Variants in COL6A3 observed in about 807,000 individuals in gnomAD.
COL6A3 encodes collagen alpha-3(VI) chain.
A neutral mutation model predicts 274.1 loss-of-function variants in COL6A3; 137 were observed. The observed-to-expected ratio is 0.50, with a 90% CI of 0.44 to 0.58. The LOEUF (loss-of-function observed/expected upper bound fraction) is 0.58. COL6A3 is among the 20% of genes least tolerant of loss of function. COL6A3 has a pLI of 0.00. For synonymous variants in COL6A3, 1,650 were observed against 1,650.6 expected (o/e 1.00, Z 0.01); for missense variants, 3,950 against 4,124.9 (o/e 0.96, Z 1.16).
rs1372723004 is a variant in COL6A3, at chr2:237,379,066, C to T, written c.2067G>A (p.Thr689=). ...GLVQFSDTPV[T]EFSLNTYQTK... is the part of the protein sequence containing the mutation. ...TCTGGTATGTGTTTAAAGAGAACTC[C>T]GTTACAGGAGTGTCACTAAATTGCA... is the stretch of plus-strand genomic sequence containing the variant. Residue 689 remains threonine, a synonymous_variant, in exon 6 of 44, where the codon ACG becomes ACA. Coordinates refer to ENST00000295550, the MANE Select transcript of COL6A3 (RefSeq NM_004369.4). 3.1e-6 allele frequency: 5 copies of T among 1,614,152 alleles called. No homozygotes were observed. The highest frequency in any genetic ancestry group is 1.7e-4 in the Middle Eastern group (1 of 6,056).
chr2:237,344,875 C>T lies in COL6A3; in HGVS notation c.7175-32G>A, dbSNP rs6725567. ...AAAGTAGAGGGTGGAGGGTTAAAGA[C>T]AAACTGTACTTACTACAAAAGGGAG... On this transcript the variant is annotated intron_variant, in intron 35 of 43. Transcript: ENST00000295550. This position sits in a 1 kb window ranked among gnomAD's most constrained non-coding sequence, Gnocchi z 4.8. The T allele has an allele frequency of 0.028, 44,642 of 1,613,880 alleles. 1,843 individuals are homozygous for T. Among genetic ancestry groups the T allele is most frequent in the African/African-American group, 0.19 (14,515 of 75,002 alleles).
At chr2:237,338,898 G>T in intron 39 of COL6A3, 117 bp downstream of exon 39, 1 of 761,666 alleles carries the variant, frequency 1.3e-6, no homozygotes, top group Non-Finnish European at 2.3e-6. Context: ...ATTACCTTTG[G>T]GAAGTCACAT....
Position 237,359,026 on chromosome 2 carries a change from T to A in COL6A3, c.6408+9A>T. 1 of 1,613,258 alleles carries A rather than the reference T, an allele frequency of 6.2e-7. No homozygotes were observed. The highest frequency in any genetic ancestry group is 1.3e-5 in the African/African-American group (1 of 75,004). On this transcript the variant is annotated intron_variant, in intron 20 of 43. Transcript: ENST00000295550. Reference sequence around the variant, plus strand: ...TTCCATAATAGCACCACCGTGGAAATACACCTACCCTTCTTCCAGGATTCC... The same window carrying A: ...TTCCATAATAGCACCACCGTGGAAAAACACCTACCCTTCTTCCAGGATTCC...
In COL6A3 at chr2:237,359,397, C is replaced by T. The variant is rs373925366; in HGVS notation, c.6283-9G>A. ...GGGAATCCCCGAGAGCCCTAGAAGG[C>T]AAGGCGATAGGGGAAGCATTAGCTT... On this transcript the variant is annotated splice_polypyrimidine_tract_variant and intron_variant, in intron 17 of 43. Transcript: ENST00000295550. 1.2e-6 allele frequency: 2 copies of T among 1,613,614 alleles called. No homozygotes were observed. Among genetic ancestry groups the T allele is most frequent in the Admixed American group, 1.7e-5 (1 of 59,994 alleles).
intron 42 of COL6A3, among the ~76,000 whole-genome samples, chr2:237,330,877 T>C (rs370144763): frequency 3.3e-5 from 5 of 152,324 alleles, no homozygotes; most frequent in Middle Eastern, 3.4e-3. Flanking sequence ...CATTTCAGAG[T>C]GTTTCTACCT....
chr2:237,352,499 G>T (rs749558408), intron 26 of COL6A3, 23 bp downstream of exon 26: 1 of 1,605,668 alleles, frequency 6.2e-7, no homozygotes, highest in East Asian at 2.2e-5. Flanking sequence ...CTAGAGAGGG[G>T]GCTGGTATTA....
Position 237,367,038 on chromosome 2 carries a change from C to G in COL6A3, c.5149G>C (p.Ala1717Pro), listed in dbSNP as rs376135795. 1 of 1,614,208 alleles carries G rather than the reference C, an allele frequency of 6.2e-7. No homozygotes were observed. Among genetic ancestry groups the G allele is most frequent in the African/African-American group, 1.3e-5 (1 of 75,060 alleles). The change falls in exon 11 of 44, where the codon GCC (alanine) becomes CCC (proline). Residue 1717 changes from alanine to proline, a missense_variant. Ala to Pro is a conservative substitution (Grantham distance 27). Around this residue, in one of 5 missense-constraint regions of COL6A3, gnomAD observed 632 missense variants for 623.4 expected, o/e 1.01. Transcript: ENST00000295550. ...TGCTCAAGGCCCACCTTAGTGTTGG[C>G]GTGTCTTCCCCCTTTGTAGACCACT... Reference protein sequence around the residue: ...NKVVYKGGRHANTKVGLEHLR... With the variant: ...NKVVYKGGRHPNTKVGLEHLR...
intron 37 of COL6A3, 128 bp downstream of exon 37, chr2:237,341,937 T>C (rs1430374712): frequency 1.2e-6 from 1 of 803,008 alleles, no homozygotes; most frequent in African/African-American, 1.7e-5. Context: ...CTCTGGTAAA[T>C]ACGAGGCTTT....
rs1438142789 is a variant in COL6A3 at position 237,341,273 on chromosome 2, C to T, written c.7766-123G>A. Reference sequence around the variant, plus strand: ...CATAAGATCAAAAGCGGGCCGGAAGCGGTGGCTCACGCCTGTAATCCCAGC... The same window carrying T: ...CATAAGATCAAAAGCGGGCCGGAAGTGGTGGCTCACGCCTGTAATCCCAGC... On this transcript the variant is annotated intron_variant, in intron 37 of 43. Transcript: ENST00000295550. The T allele has an allele frequency of 1.9e-5, 18 of 949,758 alleles. No individual in the cohort carries two copies. In the East Asian group the frequency reaches 3.6e-4, roughly 19 times the overall value. The allele number at this position is 949,758 out of a possible 1,614,324, so 58.8% of individuals were successfully genotyped here.
chr2:237,340,691 A>G lies in COL6A3; in HGVS notation c.8225T>C (p.Met2742Thr). 1 of 1,614,218 alleles carries G rather than the reference A, an allele frequency of 6.2e-7. No individual in the cohort carries two copies. The highest frequency in any genetic ancestry group is 1.3e-5 in the African/African-American group (1 of 75,056). ...CTGCTCCGGCACCTCGCCCGTCAGC[A>G]TCAGGACCACAATTTTCAGGTCCCG... ...NPRDLKIVVL[M>T]LTGEVPEQQL... Residue 2742 changes from methionine to threonine, a missense_variant, in exon 38 of 44, where the codon ATG (methionine) becomes ACG (threonine). By Grantham distance (81) the Met-to-Thr change is moderately conservative. Around this residue, in one of 5 missense-constraint regions of COL6A3, gnomAD observed 1,284 missense variants for 1,349.7 expected, o/e 0.95. Coordinates refer to ENST00000295550, the MANE Select transcript of COL6A3 (RefSeq NM_004369.4).
At chr2:237,329,281 C>G (rs1380318191) in intron 42 of COL6A3, 1 of 152,234 alleles carries the variant, frequency 6.6e-6, no homozygotes. Context: ...TCTCGAACTC[C>G]TGACCTCAAG....
chr2:237,360,301 C>A, intron 16 of COL6A3, 142 bp from the exon 17 acceptor site: 2 of 840,688 alleles, frequency 2.4e-6, no homozygotes, highest in Non-Finnish European at 3.9e-6. Context: ...ATCGAGGCTA[C>A]GTGAGCCAGG....
At position 237,325,621 on chromosome 2, in the gene COL6A3, A is replaced by G; in HGVS notation, c.9432T>C (p.Gly3144=). 6.2e-7 allele frequency: 1 copy of G among 1,614,038 alleles called. No individual in the cohort carries two copies. Among genetic ancestry groups the G allele is most frequent in the Non-Finnish European group, 8.5e-7 (1 of 1,179,998 alleles). The change falls in exon 43 of 44, where the codon GGT becomes GGC. Residue 3144 remains glycine, a synonymous_variant. Transcript: ENST00000295550. ...TKSCARFWYG[G]CGGNENKFGS... ...CAAATTTGTTTTCGTTTCCACCACA[A>G]CCTCCATACCAGAATCTTGCACAGC...
At chr2:237,373,084 G>A (rs1245592480) in intron 8 of COL6A3, among the ~76,000 whole-genome samples, 1 of 152,170 alleles carries the variant, frequency 6.6e-6, no homozygotes, top group Non-Finnish European at 1.5e-5. Flanking sequence ...TGAGAGTCAG[G>A]TGGGTCAGGA....
In COL6A3 at chr2:237,387,666, C is replaced by G; in HGVS notation, c.1228G>C (p.Asp410His). The change falls in exon 4 of 44, where the codon GAC (aspartate) becomes CAC (histidine). Residue 410 changes from aspartate (D) to histidine (H), a missense_variant. This residue lies in a region of COL6A3 where 1,934 missense variants were observed against 1,984.3 expected (regional missense o/e 0.97). Transcript: ENST00000295550. ...FTVPEFRSFG[D>H]LQEKLLPYIV... is the part of the protein sequence containing the mutation. Reference sequence around the variant, plus strand: ...TACGGCAGTAATTTCTCCTGGAGGTCCCCAAAGCTACGGAATTCCGGGACA... The same window carrying G: ...TACGGCAGTAATTTCTCCTGGAGGTGCCCAAAGCTACGGAATTCCGGGACA... 1 of 1,613,792 alleles carries G rather than the reference C, an allele frequency of 6.2e-7. No homozygotes were observed. Among genetic ancestry groups the G allele is most frequent in the Non-Finnish European group, 8.5e-7 (1 of 1,179,852 alleles).
Position 237,371,738 on chromosome 2 carries a change from G to T in COL6A3, c.4279C>A (p.Pro1427Thr). The T allele has an allele frequency of 6.3e-7, 1 of 1,597,642 alleles. No homozygotes were observed. Among genetic ancestry groups the T allele is most frequent in the African/African-American group, 1.3e-5 (1 of 74,428 alleles). The change falls in exon 9 of 44, where the codon CCT (proline) becomes ACT (threonine). Residue 1427 changes from proline to threonine, a missense_variant. This residue lies in a region of COL6A3 where 1,934 missense variants were observed against 1,984.3 expected (regional missense o/e 0.97). Transcript: ENST00000295550. The surrounding 1 kb of genome is among the most constrained non-coding windows in gnomAD (Gnocchi z 4.3). ...QKLLASTRYP[P>T]PAVESDAADI... is the part of the protein sequence containing the mutation. ...TCCGACGCCCCCATCTCACCTGGAGGTGGATAGCGAGTGCTGGCTAAGAGC... is the reference window on the plus strand; with the variant it reads ...TCCGACGCCCCCATCTCACCTGGAGTTGGATAGCGAGTGCTGGCTAAGAGC...
At chr2:237,333,710 T>C (rs553576983) in intron 41 of COL6A3, among the ~76,000 whole-genome samples, 162 bp from the exon 42 acceptor site, 2 of 152,340 alleles carry the variant, frequency 1.3e-5, no homozygotes, top group South Asian at 4.1e-4. Flanking sequence ...CCACGACTTA[T>C]GCTGTGGGCT....
Position 237,361,089 on chromosome 2 carries a change from A to C in COL6A3, c.6210+32T>G. 1 of 1,598,466 alleles carries C rather than the reference A, an allele frequency of 6.3e-7. No individual in the cohort carries two copies. The highest frequency in any genetic ancestry group is 1.1e-5 in the South Asian group (1 of 90,752). ...ATGGGTAAGGATCAAGGAGGGGGTGAAATTTTAGGGACTAAAACAATTTTT... is the reference window on the plus strand; with the variant it reads ...ATGGGTAAGGATCAAGGAGGGGGTGCAATTTTAGGGACTAAAACAATTTTT... On this transcript the variant is annotated intron_variant, in intron 16 of 43. Coordinates refer to ENST00000295550, the MANE Select transcript of COL6A3 (RefSeq NM_004369.4). The surrounding 1 kb of genome is among the most constrained non-coding windows in gnomAD (Gnocchi z 5.1).
intron 4 of COL6A3, among the ~76,000 whole-genome samples, chr2:237,384,881 C>T (rs1339791358): frequency 2.6e-5 from 4 of 152,162 alleles, no homozygotes; most frequent in African/African-American, 9.7e-5. Context: ...TTCCATGCAT[C>T]CAGGGAGTCT....
Sources: gnomAD v4.1 joint callset for allele counts (sites outside exome capture counted in the v4.1 genomes callset) on GRCh38, gnomAD v4.1.1 for gene constraint, gnomAD v4.1.1 regional missense constraint, Gnocchi (gnomAD v3.1) non-coding constraint, MANE v1.5 for transcripts, NCBI Gene and HGNC (gene_info 2026-07-23, HGNC 2026-07-21) for gene names.